The following IQCJ variants were observed in gnomAD, a reference collection of about 807,000 sequenced individuals.
IQCJ encodes the protein IQ motif containing J, also known as IQ domain-containing protein J.
Under a neutral mutation model 11.0 loss-of-function variants are expected in IQCJ, and 9 were observed. The ratio of observed to expected loss-of-function variants is 0.82; its 90% CI spans 0.49 to 1.43. The LOEUF is 1.43. Among genes scored for constraint, IQCJ ranks in the 40% most tolerant of loss-of-function variants. The pLI is 0.00. For missense variants in IQCJ, 146 were observed against 133.2 expected, an observed-to-expected ratio of 1.10 and a Z score of -0.47; for synonymous variants, 55 against 51.3, an observed-to-expected ratio of 1.07 and a Z score of -0.31.
At chr3:159,237,348 C>T (rs142605372) in intron 1 of IQCJ, among the ~76,000 whole-genome samples, 1 of 152,300 alleles carries the variant, frequency 6.6e-6, no homozygotes, top group African/African-American at 2.4e-5. Flanking sequence ...GACTAAGCAG[C>T]CACAGTGATG....
intron 1 of IQCJ, among the ~76,000 whole-genome samples, chr3:159,135,662 A>G (rs1415903509): frequency 6.6e-6 from 1 of 152,148 alleles, no homozygotes; most frequent in Admixed American, 6.5e-5. Context: ...GGAAGGTTTT[A>G]TGGGTTAGGT....
chr3:159,200,631 G>T (rs1724274457), intron 1 of IQCJ, among the ~76,000 whole-genome samples: 1 of 152,194 alleles, frequency 6.6e-6, no homozygotes, highest in African/African-American at 2.4e-5. Flanking sequence ...TAATCTGATT[G>T]TTTGGTCCTT....
At chr3:159,185,252 T>G (rs1252658481) in intron 1 of IQCJ, among the ~76,000 whole-genome samples, 2 of 152,148 alleles carry the variant, frequency 1.3e-5, no homozygotes, top group Admixed American at 6.5e-5. Flanking sequence ...GCAACAGAAA[T>G]AAGACTTTCC....
intron 1 of IQCJ, among the ~76,000 whole-genome samples, chr3:159,209,584 C>T (rs960561110): frequency 4.6e-5 from 7 of 152,176 alleles, no homozygotes; most frequent in Non-Finnish European, 5.9e-5. Context: ...CTGCTTGTAA[C>T]ACACGTCCTC....
At chr3:159,094,604 G>C (rs1393177823) in intron 1 of IQCJ, among the ~76,000 whole-genome samples, 11 of 151,634 alleles carry the variant, frequency 7.3e-5, no homozygotes, top group Admixed American at 6.6e-4. Flanking sequence ...AAAATGGAGA[G>C]AGCCAATGTG....
intron 1 of IQCJ, among the ~76,000 whole-genome samples, chr3:159,106,420 G>T (rs988463072): frequency 3.3e-5 from 5 of 152,040 alleles, no homozygotes; most frequent in Admixed American, 1.3e-4. Flanking sequence ...AGAAGAGAGT[G>T]GAGGGCTTAG....
chr3:159,172,069 G>T (rs1366332675), intron 1 of IQCJ, among the ~76,000 whole-genome samples: 1 of 152,134 alleles, frequency 6.6e-6, no homozygotes, highest in Admixed American at 6.6e-5. Flanking sequence ...ACACCTTCAT[G>T]CCTGTTGATC....
chr3:159,245,458 C>CTTTTTTTTTT (rs34153369), intron 1 of IQCJ, among the ~76,000 whole-genome samples: 2 of 113,060 alleles, frequency 1.8e-5, no homozygotes, highest in Non-Finnish European at 3.6e-5. Context: ...GTCCTGAATT[C>CTTTTTTTTTT]TTTTTTTTTT....
rs916380024 is a variant in IQCJ at position 159,262,896 on chromosome 3, C to G, written c.*165C>G. 7.2e-7 allele frequency: 1 copy of G among 1,386,528 alleles called. No homozygotes were observed. 85.9% of individuals were successfully genotyped at this position (1,386,528 alleles called of 1,614,324 possible). On this transcript the variant is annotated 3_prime_UTR_variant, in exon 4 of 4. Coordinates refer to ENST00000397832, the MANE Select transcript of IQCJ (RefSeq NM_001042706.3). ...AAGCACAAAGTGAACTTTATCAAGT[C>G]TGGAGAAAATAGATTGCATTTATGT... is the stretch of plus-strand genomic sequence containing the variant.
At chr3:159,154,160 T>C (rs1053913674) in intron 1 of IQCJ, among the ~76,000 whole-genome samples, 6 of 152,176 alleles carry the variant, frequency 3.9e-5, no homozygotes, top group African/African-American at 1.2e-4. Flanking sequence ...GGCAAAACAA[T>C]TGTGCACACT....
In IQCJ at chr3:159,246,831, C is replaced by G. The variant is rs148562541; in HGVS notation, c.74+924C>G. On this transcript the variant is annotated intron_variant, in intron 2 of 3. Transcript: ENST00000397832. ...CCTATAAAAGAGAGGCTAAGTTGCT[C>G]TTCGTGCTCCAGAAAATAGAACAAG... is the stretch of plus-strand genomic sequence containing the variant. Among the ~76,000 whole-genome samples, 83 of 152,262 alleles carry G rather than the reference C, an allele frequency of 5.5e-4. No homozygotes were observed. The East Asian group carries it at 0.014, about 25-fold the overall frequency.
At chr3:159,226,415 T>G (rs145191022) in intron 1 of IQCJ, among the ~76,000 whole-genome samples, 1 of 152,264 alleles carries the variant, frequency 6.6e-6, no homozygotes, top group African/African-American at 2.4e-5. Context: ...AGACCAAATA[T>G]TATAACGAAA....
intron 1 of IQCJ, among the ~76,000 whole-genome samples, chr3:159,106,778 A>T (rs566047153): frequency 6.6e-6 from 1 of 152,158 alleles, no homozygotes; most frequent in East Asian, 1.9e-4. Flanking sequence ...GGCCACCCAT[A>T]TTTCTGACTG....
intron 1 of IQCJ, among the ~76,000 whole-genome samples, chr3:159,121,969 G>A (rs1559993767): frequency 6.6e-6 from 1 of 152,182 alleles, no homozygotes; most frequent in Non-Finnish European, 1.5e-5. Context: ...CTATCACAGA[G>A]TGTCATAGAC....
At chr3:159,165,554 C>T (rs1256862078) in intron 1 of IQCJ, among the ~76,000 whole-genome samples, 1 of 151,846 alleles carries the variant, frequency 6.6e-6, no homozygotes, top group Non-Finnish European at 1.5e-5. Context: ...AAACAAGCCT[C>T]ATTTTGTGAA....
chr3:159,147,369 T>C (rs1560003033), intron 1 of IQCJ, among the ~76,000 whole-genome samples: 1 of 152,220 alleles, frequency 6.6e-6, no homozygotes. Context: ...ATCACAGCCT[T>C]TGCTTCTCCT....
chr3:159,128,114 T>A (rs76042269), intron 1 of IQCJ, among the ~76,000 whole-genome samples: 3,241 of 152,324 alleles, frequency 0.021, 113 homozygotes, highest in African/African-American at 0.074. Context: ...AGAATTTTTT[T>A]ATTTCATTTT....
chr3:159,190,943 G>C (rs142205258), intron 1 of IQCJ, among the ~76,000 whole-genome samples: 46 of 152,262 alleles, frequency 3.0e-4, no homozygotes, highest in African/African-American at 1.0e-3. Context: ...CCTCCACATT[G>C]CAATGCTTAA....
intron 1 of IQCJ, among the ~76,000 whole-genome samples, chr3:159,101,615 G>C (rs1717927656): frequency 6.6e-6 from 1 of 152,144 alleles, no homozygotes; most frequent in African/African-American, 2.4e-5. Flanking sequence ...ACAGAGCTCT[G>C]GGTAGTGATC....
Sources: allele counts gnomAD v4.1 joint callset (sites outside exome capture counted in the v4.1 genomes callset), GRCh38; gene constraint gnomAD v4.1.1; transcripts MANE v1.5; gene names NCBI Gene and HGNC (gene_info 2026-07-23, HGNC 2026-07-21).